The following RAB20 variants were observed in gnomAD, a reference collection of about 807,000 sequenced individuals.
RAB20 encodes ras-related protein Rab-20.
A neutral mutation model predicts 3.7 loss-of-function variants in RAB20; 2 were observed. That is an observed-to-expected ratio of 0.54 (90% CI 0.22 to 1.69). The LOEUF is 1.69. RAB20 is among the 40% of genes most tolerant of loss of function. The pLI is 0.19. For synonymous variants in RAB20, 126 were observed against 130.8 expected (o/e 0.96, Z 0.25); for missense variants, 276 against 311.9 (o/e 0.88, Z 0.87).
chr13:110,533,838 G>A (rs1038605570), intron 1 of RAB20, among the ~76,000 whole-genome samples: 20 of 152,234 alleles, frequency 1.3e-4, no homozygotes, highest in African/African-American at 4.8e-4. Context: ...TGCATGAATG[G>A]AGCTGGGCTG....
chr13:110,545,084 T>C (rs1384817702), intron 1 of RAB20, among the ~76,000 whole-genome samples: 3 of 152,194 alleles, frequency 2.0e-5, no homozygotes, highest in Non-Finnish European at 2.9e-5. Flanking sequence ...CCCAGCCATG[T>C]GGAACTGTAA....
intron 1 of RAB20, among the ~76,000 whole-genome samples, chr13:110,554,579 C>T (rs1032352290): frequency 1.3e-5 from 2 of 152,306 alleles, no homozygotes; most frequent in East Asian, 1.9e-4. Flanking sequence ...GCTAACTTCA[C>T]GGGAACGAGC....
intron 1 of RAB20, among the ~76,000 whole-genome samples, chr13:110,524,594 T>C (rs1176642129): frequency 1.3e-5 from 2 of 152,168 alleles, no homozygotes; most frequent in African/African-American, 2.4e-5. Context: ...CTTGCTGAGA[T>C]AGAAGCTGAC....
At chr13:110,536,379 T>TCC (rs1566585922) in intron 1 of RAB20, among the ~76,000 whole-genome samples, 1 of 152,056 alleles carries the variant, frequency 6.6e-6, no homozygotes, top group Non-Finnish European at 1.5e-5. Flanking sequence ...GTGGATGGCC[T>TCC]CCCCCTAGAC....
chr13:110,524,149 G>A lies in RAB20; in HGVS notation c.221C>T (p.Ala74Val), dbSNP rs757028555. The A allele has an allele frequency of 6.2e-7, 1 of 1,606,808 alleles. No homozygotes were observed. Among genetic ancestry groups the A allele is most frequent in the Non-Finnish European group, 8.5e-7 (1 of 1,179,676 alleles). ...GLGSMYCRGA[A>V]AIILTYDVNH... ...CACATCATAGGTGAGGATGATGGCG[G>A]CCGCCCCCCGGCAGTACATGGAGCC... Residue 74 changes from alanine (A) to valine (V), a missense_variant, in exon 2 of 2, where the codon GCC becomes GTC. Coordinates refer to ENST00000267328, the MANE Select transcript of RAB20 (RefSeq NM_017817.3).
rs1168973030 is a variant in RAB20 at position 110,523,780 on chromosome 13, A to T, written c.590T>A (p.Leu197His). Reference sequence around the variant, plus strand: ...GATCATTGGCACCACCAGGTCAAAGAGGGTCTCAAACAGGAGGTCCACATT... The same window carrying T: ...GATCATTGGCACCACCAGGTCAAAGTGGGTCTCAAACAGGAGGTCCACATT... ...GYNVDLLFET[L>H]FDLVVPMILQ... The change falls in exon 2 of 2, where the codon CTC (leucine) becomes CAC (histidine). Residue 197 changes from leucine (L) to histidine (H), a missense_variant. Physicochemically the swap from Leu to His is moderately conservative, Grantham distance 99 (BLOSUM62 -3). Coordinates refer to ENST00000267328, the MANE Select transcript of RAB20 (RefSeq NM_017817.3). The T allele has an allele frequency of 3.1e-6, 5 of 1,614,088 alleles. No homozygotes were observed. In the Admixed American group the frequency reaches 8.3e-5, roughly 27 times the overall value.
At chr13:110,527,010 T>G (rs1392786368) in intron 1 of RAB20, among the ~76,000 whole-genome samples, 1 of 151,996 alleles carries the variant, frequency 6.6e-6, no homozygotes, top group African/African-American at 2.4e-5. Context: ...TAAGGCCCCT[T>G]GGTCTGTGGG....
In RAB20 at chr13:110,533,330, A is replaced by G. The variant is rs553046308; in HGVS notation, c.173-9133T>C. ...GAGTCATGGGACCATCTCCACAGGC[A>G]TGATCTACATTCCCTCTAGGTTTGT... On this transcript the variant is annotated intron_variant, in intron 1 of 1. Transcript: ENST00000267328. 1.2e-4 allele frequency among the ~76,000 whole-genome samples: 19 copies of G among 152,364 alleles called. No homozygotes were observed. In the South Asian group the frequency reaches 3.9e-3, roughly 32 times the overall value.
chr13:110,532,829 C>T (rs959010622), intron 1 of RAB20, among the ~76,000 whole-genome samples: 1 of 152,170 alleles, frequency 6.6e-6, no homozygotes, highest in Non-Finnish European at 1.5e-5. Context: ...CAGGTGCATA[C>T]CACTACACCC....
intron 1 of RAB20, among the ~76,000 whole-genome samples, chr13:110,553,827 G>A (rs886194195): frequency 2.0e-5 from 3 of 152,212 alleles, no homozygotes; most frequent in Admixed American, 6.5e-5. Flanking sequence ...GCTAAAATCT[G>A]ACTCCTGGCT....
At position 110,526,851 on chromosome 13, in the gene RAB20, A is replaced by G. The variant is rs77415881; in HGVS notation, c.173-2654T>C. 3.7e-4 allele frequency among the ~76,000 whole-genome samples: 57 copies of G among 152,274 alleles called. No individual in the cohort carries two copies. The East Asian group carries it at 8.5e-3, about 23-fold the overall frequency. Reference sequence around the variant, plus strand: ...ATATGTGGACCATGAACCACATATCAATCATAATTTAAAAAGGCTCAAGAC... The same window carrying G: ...ATATGTGGACCATGAACCACATATCGATCATAATTTAAAAAGGCTCAAGAC... On this transcript the variant is annotated intron_variant, in intron 1 of 1. Transcript: ENST00000267328.
chr13:110,543,611 T>C (rs1367229889), intron 1 of RAB20, among the ~76,000 whole-genome samples: 1 of 152,204 alleles, frequency 6.6e-6, no homozygotes, highest in Non-Finnish European at 1.5e-5. Flanking sequence ...TTTGGTTTGA[T>C]GCAATCCCAT....
intron 1 of RAB20, among the ~76,000 whole-genome samples, chr13:110,524,426 C>T (rs364979): frequency 0.74 from 111,818 of 151,798 alleles, 41,355 homozygotes; most frequent in African/African-American, 0.8. Flanking sequence ...AGATGGGAAA[C>T]AGAATCCAAG....
chr13:110,558,059 G>A (rs548436640), intron 1 of RAB20, among the ~76,000 whole-genome samples: 1 of 152,380 alleles, frequency 6.6e-6, no homozygotes, highest in South Asian at 2.1e-4. Flanking sequence ...GTAGAACGAG[G>A]GCCCAAACAG....
At chr13:110,551,443 C>T (rs1884948892) in intron 1 of RAB20, among the ~76,000 whole-genome samples, 1 of 152,102 alleles carries the variant, frequency 6.6e-6, no homozygotes, top group Non-Finnish European at 1.5e-5. Flanking sequence ...TGCCAGCAGG[C>T]AGATAAGAGG....
At position 110,541,635 on chromosome 13, in the gene RAB20, T is replaced by C. The variant is rs986012842; in HGVS notation, c.173-17438A>G. On this transcript the variant is annotated intron_variant, in intron 1 of 1. Transcript: ENST00000267328. ...CAAGTTAGCAGGGAACTGCCTGCCC[T>C]AATCTTGGTATTAGTGGAATTCTCT... is the stretch of plus-strand genomic sequence containing the variant. Among the ~76,000 whole-genome samples the C allele has an allele frequency of 2.6e-4, 39 of 152,216 alleles. 1 individual carries two copies. Among genetic ancestry groups the C allele is most frequent in the South Asian group, 1.0e-3 (5 of 4,834 alleles).
chr13:110,552,079 AAAAT>A lies in RAB20; in HGVS notation c.172+9265_172+9268del, dbSNP rs1222952723. 3.9e-5 allele frequency among the ~76,000 whole-genome samples: 6 copies of A among 152,014 alleles called. No homozygotes were observed. The East Asian group carries it at 5.8e-4, about 15-fold the overall frequency. ...GTGACAGAAGACGACCCTGTCTCAA[AAAAT>A]AAATAAATAAATAAGACGGGCGCGG... is the stretch of plus-strand genomic sequence containing the variant. On this transcript the variant is annotated intron_variant, in intron 1 of 1. Transcript: ENST00000267328.
At chr13:110,536,380 C>T (rs902435070) in intron 1 of RAB20, among the ~76,000 whole-genome samples, 4 of 152,192 alleles carry the variant, frequency 2.6e-5, no homozygotes, top group African/African-American at 9.7e-5. Flanking sequence ...TGGATGGCCT[C>T]CCCCTAGACA....
intron 1 of RAB20, among the ~76,000 whole-genome samples, chr13:110,528,422 A>AC (rs1372094665): frequency 6.6e-6 from 1 of 151,032 alleles, no homozygotes; most frequent in Non-Finnish European, 1.5e-5. Context: ...TCAAAAAAAA[A>AC]AAAAACAAAA....
Sources: gnomAD v4.1 joint callset for allele counts (sites outside exome capture counted in the v4.1 genomes callset) on GRCh38, gnomAD v4.1.1 for gene constraint, MANE v1.5 for transcripts, NCBI Gene and HGNC (gene_info 2026-07-23, HGNC 2026-07-21) for gene names.